The following RASGRP3 variants were observed in gnomAD, a reference collection of about 807,000 sequenced individuals.
RASGRP3 encodes the protein ras guanyl-releasing protein 3.
A neutral mutation model predicts 82.7 loss-of-function variants in RASGRP3; 54 were observed. That is an observed-to-expected ratio of 0.65 (90% CI 0.52 to 0.82). The LOEUF (loss-of-function observed/expected upper bound fraction) is 0.82, where lower values mean the gene tolerates loss of function less well. RASGRP3 is among the 40% of genes least tolerant of loss of function. The pLI is 0.00. For missense variants in RASGRP3, 861 were observed against 828.9 expected (o/e 1.04, Z -0.48); for synonymous variants, 309 against 300.5 (o/e 1.03, Z -0.29).
chr2:33,480,439 C>A (rs1202920385), intron 1 of RASGRP3, among the ~76,000 whole-genome samples: 1 of 152,136 alleles, frequency 6.6e-6, no homozygotes, highest in South Asian at 2.1e-4. Flanking sequence ...GTTTGCTAGA[C>A]CAAAACCACT....
chr2:33,496,476 A>C (rs1054525856), intron 1 of RASGRP3, among the ~76,000 whole-genome samples: 7 of 152,222 alleles, frequency 4.6e-5, no homozygotes, highest in Non-Finnish European at 7.3e-5. Context: ...ATTCATTAGA[A>C]TGTTTCAGAT....
chr2:33,505,366 G>A (rs1424905520), intron 1 of RASGRP3, among the ~76,000 whole-genome samples: 4 of 151,058 alleles, frequency 2.6e-5, no homozygotes, highest in South Asian at 2.1e-4. Context: ...GCAATGGCGC[G>A]ATCTTGGCTC....
At chr2:33,502,157 T>C (rs1174309098) in intron 1 of RASGRP3, among the ~76,000 whole-genome samples, 1 of 152,082 alleles carries the variant, frequency 6.6e-6, no homozygotes, top group African/African-American at 2.4e-5. Context: ...AGAAGACACC[T>C]CACGTTTATC....
Position 33,523,968 on chromosome 2 carries a change from T to C in RASGRP3, c.606T>C (p.Ser202=). 1 of 1,613,962 alleles carries C rather than the reference T, an allele frequency of 6.2e-7. No individual in the cohort carries two copies. The highest frequency in any genetic ancestry group is 1.1e-5 in the South Asian group (1 of 91,082). The change falls in exon 8 of 18, where the codon TCT becomes TCC. Residue 202 remains serine, a synonymous_variant. Transcript: ENST00000403687. The part of the protein sequence containing the change: ...ERSIALFNGI[S]KWVQLMVLSK... The stretch of plus-strand genomic sequence containing the variant: ...CGATTGCTTTATTTAATGGAATCTC[T>C]AAGTGGGTCCAGTTGATGGTTCTTA...
At chr2:33,458,814 T>A (rs933732565) in intron 2 of RASGRP3, among the ~76,000 whole-genome samples, 4 of 152,202 alleles carry the variant, frequency 2.6e-5, no homozygotes, top group African/African-American at 4.8e-5. Context: ...CAGTTCACAT[T>A]TGCTCATTAA....
intron 13 of RASGRP3, among the ~76,000 whole-genome samples, chr2:33,544,669 T>TAATA (rs1289287087): frequency 6.6e-6 from 1 of 152,176 alleles, no homozygotes; most frequent in Non-Finnish European, 1.5e-5. Context: ...TAAAATTCTC[T>TAATA]AATATTTTTG....
chr2:33,515,313 G>A, intron 3 of RASGRP3, 107 bp downstream of exon 3: 2 of 1,210,086 alleles, frequency 1.7e-6, no homozygotes, highest in Non-Finnish European at 1.2e-6. Context: ...CTGTACCTTG[G>A]TATTTAAGGC....
intron 2 of RASGRP3, among the ~76,000 whole-genome samples, chr2:33,468,005 T>TTCC (rs1666814716): frequency 1.6e-5 from 2 of 124,276 alleles, no homozygotes; most frequent in Admixed American, 1.5e-4. Flanking sequence ...TCTTTCTTTC[T>TTCC]TTCTTTCTTT....
intron 1 of RASGRP3, among the ~76,000 whole-genome samples, chr2:33,443,890 A>T (rs1016942314): frequency 1.3e-5 from 2 of 152,020 alleles, no homozygotes; most frequent in East Asian, 1.9e-4. Flanking sequence ...CAAAAAAATT[A>T]AAAAAATAAA....
At chr2:33,473,794 C>T (rs1667200196), upstream of RASGRP3, among the ~76,000 whole-genome samples, 1 of 152,214 alleles carries the variant, frequency 6.6e-6, no homozygotes, top group Non-Finnish European at 1.5e-5. Context: ...GGCTATAGAA[C>T]TAGAAAAGAA....
intron 1 of RASGRP3, among the ~76,000 whole-genome samples, chr2:33,442,569 C>T (rs1286816753): frequency 6.6e-6 from 1 of 152,196 alleles, no homozygotes; most frequent in African/African-American, 2.4e-5. Context: ...GGCCTCTCCT[C>T]CAAGTAAAGG....
chr2:33,555,508 C>T lies in RASGRP3; in HGVS notation c.1543-23C>T, dbSNP rs769420917. The T allele has an allele frequency of 3.8e-6, 6 of 1,582,352 alleles. No individual in the cohort carries two copies. The Admixed American group carries it at 6.9e-5, about 18-fold the overall frequency. ...CCAGATCTATCCTCAGATTCCCTGA[C>T]ATTCCTTTGTCTTTTGTTACAGCTC... On this transcript the variant is annotated intron_variant, in intron 14 of 17. Coordinates refer to ENST00000403687, the MANE Select transcript of RASGRP3 (RefSeq NM_001139488.2).
rs552684879 is a variant in RASGRP3 at position 33,558,309 on chromosome 2, C to A, written c.1678C>A (p.Leu560Met). The A allele has an allele frequency of 6.2e-7, 1 of 1,613,724 alleles. No individual in the cohort carries two copies. The highest frequency in any genetic ancestry group is 2.2e-5 in the East Asian group (1 of 44,842). Residue 560 changes from leucine to methionine, a missense_variant, in exon 16 of 18, where the codon CTG becomes ATG. Coordinates refer to ENST00000403687, the MANE Select transcript of RASGRP3 (RefSeq NM_001139488.2). ...APSLSSGHGSLPGSPSLPPAQ... is the reference protein window; with the variant it reads ...APSLSSGHGSMPGSPSLPPAQ... ...CTCCTTGAGCAGTGGTCATGGGTCA[C>A]TGCCTGGAAGCCCCTCGCTGCCCCC...
At chr2:33,538,541 T>G (rs1392854578) in intron 11 of RASGRP3, among the ~76,000 whole-genome samples, 1 of 151,108 alleles carries the variant, frequency 6.6e-6, no homozygotes, top group Non-Finnish European at 1.5e-5. Flanking sequence ...AAAAATAAAA[T>G]AATAGAATTT....
rs755026837 is a variant in RASGRP3, at chr2:33,519,997, G to C, written c.219G>C (p.Lys73Asn). 7 of 1,608,210 alleles carry C rather than the reference G, an allele frequency of 4.4e-6. No homozygotes were observed. The highest frequency in any genetic ancestry group is 5.9e-6 in the Non-Finnish European group (7 of 1,176,866). ...AAAGCTGCAATGAATTTCGATTAAAGATCTGCTACTTCATGAGGTAAATAT... is the reference window on the plus strand; with the variant it reads ...AAAGCTGCAATGAATTTCGATTAAACATCTGCTACTTCATGAGGTAAATAT... Reference protein sequence around the residue: ...TGESCNEFRLKICYFMRYWIL... With the variant: ...TGESCNEFRLNICYFMRYWIL... The change falls in exon 5 of 18, where the codon AAG becomes AAC. Residue 73 changes from lysine (K) to asparagine (N), a missense_variant. Transcript: ENST00000403687.
At chr2:33,492,508 G>A (rs562322870) in intron 1 of RASGRP3, among the ~76,000 whole-genome samples, 4 of 152,250 alleles carry the variant, frequency 2.6e-5, no homozygotes, top group Admixed American at 1.3e-4. Flanking sequence ...ATATGACTGT[G>A]TTTGAAGATA....
At chr2:33,490,213 G>A (rs941226080) in intron 1 of RASGRP3, among the ~76,000 whole-genome samples, 13 of 151,942 alleles carry the variant, frequency 8.6e-5, no homozygotes, top group Non-Finnish European at 1.3e-4. Flanking sequence ...TCAGTGCATC[G>A]GTCTGCTTCA....
chr2:33,517,240 A>T (rs1234756491), intron 4 of RASGRP3, among the ~76,000 whole-genome samples: 2 of 152,246 alleles, frequency 1.3e-5, no homozygotes, highest in African/African-American at 4.8e-5. Flanking sequence ...TTAGCAGTCT[A>T]CCAGTTCTCT....
chr2:33,484,345 C>T (rs1434608686), intron 1 of RASGRP3, among the ~76,000 whole-genome samples: 1 of 152,174 alleles, frequency 6.6e-6, no homozygotes, highest in Non-Finnish European at 1.5e-5. Flanking sequence ...GAATTTTAAA[C>T]AGTTTTAAAT....
Sources: allele counts gnomAD v4.1 joint callset (sites outside exome capture counted in the v4.1 genomes callset), GRCh38; gene constraint gnomAD v4.1.1; transcripts MANE v1.5; gene names NCBI Gene and HGNC (gene_info 2026-07-23, HGNC 2026-07-21).